KCNJ16: variants seen among roughly 807,000 people sequenced by gnomAD.
KCNJ16 encodes inward rectifier potassium channel 16.
KCNJ16 carries 15 observed loss-of-function variants against 18.5 expected under a neutral mutation model. That is an observed-to-expected ratio of 0.81 (90% CI 0.54 to 1.25). The LOEUF (loss-of-function observed/expected upper bound fraction) is 1.25. KCNJ16 is among the 50% of genes most tolerant of loss of function. The pLI, the probability that KCNJ16 is intolerant of heterozygous loss-of-function variation, is 0.00. For synonymous variants in KCNJ16, 174 were observed against 186.5 expected, an observed-to-expected ratio of 0.93 and a Z score of 0.55; for missense variants, 523 against 525.7, an observed-to-expected ratio of 0.99 and a Z score of 0.05.
chr17:70,123,256 T>C (rs2073719293), intron 2 of KCNJ16, among the ~76,000 whole-genome samples: 2 of 111,264 alleles, frequency 1.8e-5, no homozygotes, highest in South Asian at 2.8e-4. Context: ...TATGCACCTT[T>C]GAAAAGATAT....
At chr17:70,079,936 CAA>C (rs1180617936) in intron 1 of KCNJ16, among the ~76,000 whole-genome samples, 2 of 152,310 alleles carry the variant, frequency 1.3e-5, no homozygotes, top group East Asian at 3.9e-4. Context: ...CTCCTAGCCT[CAA>C]GTAATCCACC....
intron 2 of KCNJ16, among the ~76,000 whole-genome samples, chr17:70,119,700 C>T (rs1253992425): frequency 6.6e-6 from 1 of 152,214 alleles, no homozygotes; most frequent in African/African-American, 2.4e-5. Context: ...CACAAAGCAA[C>T]AGGGCCCTAG....
chr17:70,125,621 A>T (rs181063527), intron 2 of KCNJ16, among the ~76,000 whole-genome samples: 57 of 152,280 alleles, frequency 3.7e-4, no homozygotes, highest in African/African-American at 7.2e-4. Flanking sequence ...TAAAGTGAAA[A>T]AAAGTTAATT....
chr17:70,097,244 GCC>G (rs983657129), intron 1 of KCNJ16, among the ~76,000 whole-genome samples: 7 of 152,146 alleles, frequency 4.6e-5, no homozygotes, highest in East Asian at 1.9e-4. Flanking sequence ...CAACCCATGC[GCC>G]CCCGTCTCCC....
chr17:70,123,975 AATG>A (rs1244105565), intron 2 of KCNJ16, among the ~76,000 whole-genome samples: 5 of 152,226 alleles, frequency 3.3e-5, no homozygotes, highest in African/African-American at 1.2e-4. Context: ...GCGTTCCTGT[AATG>A]ATAACTTCTT....
chr17:70,089,431 C>T (rs1050563869), intron 1 of KCNJ16, among the ~76,000 whole-genome samples: 11 of 152,204 alleles, frequency 7.2e-5, no homozygotes, highest in Non-Finnish European at 1.5e-5. Context: ...TTATTTAACT[C>T]TCAGCATTTC....
rs150776304 is a variant in KCNJ16, at chr17:70,116,616, T to A, written c.-190-14263T>A. Among the ~76,000 whole-genome samples the A allele has an allele frequency of 3.1e-4, 47 of 152,242 alleles. No individual in the cohort carries two copies. In the East Asian group the frequency reaches 7.7e-3, roughly 25 times the overall value. ...AGTCACATTTCTAGTAATTCAATTA[T>A]AGCCTTAACAAATTTAATTAAACAC... On this transcript the variant is annotated intron_variant, in intron 2 of 3. Transcript: ENST00000392671.
chr17:70,114,113 A>C (rs6501377), intron 2 of KCNJ16, among the ~76,000 whole-genome samples: 13,044 of 152,142 alleles, frequency 0.086, 1,880 homozygotes, highest in African/African-American at 0.3. Context: ...GGGAATTGAG[A>C]CATCAGCCAA....
intron 2 of KCNJ16, chr17:70,128,055 C>T (rs1042278952): frequency 3.3e-5 from 5 of 152,156 alleles, no homozygotes; most frequent in African/African-American, 1.2e-4. Context: ...GAGCAATCTA[C>T]AAGAGGAGTT....
chr17:70,103,937 CTTTT>C (rs71149820), intron 2 of KCNJ16, among the ~76,000 whole-genome samples: 1 of 132,014 alleles, frequency 7.6e-6, no homozygotes, highest in Admixed American at 7.9e-5. Context: ...ATTTTATTAT[CTTTT>C]TTTTTTTTTT....
At chr17:70,111,867 C>T (rs1216030384) in intron 2 of KCNJ16, among the ~76,000 whole-genome samples, 2 of 152,104 alleles carry the variant, frequency 1.3e-5, no homozygotes, top group East Asian at 3.9e-4. Flanking sequence ...TGAGACCTCC[C>T]CAGCCACGTG....
intron 2 of KCNJ16, among the ~76,000 whole-genome samples, chr17:70,116,500 G>A (rs980611202): frequency 6.6e-6 from 1 of 152,128 alleles, no homozygotes. Context: ...GTCACACATA[G>A]CTAGCTTACC....
At chr17:70,119,387 C>G (rs2073541800) in intron 2 of KCNJ16, among the ~76,000 whole-genome samples, 1 of 152,148 alleles carries the variant, frequency 6.6e-6, no homozygotes, top group South Asian at 2.1e-4. Flanking sequence ...TAGGTGGGCT[C>G]CCACCCATGT....
intron 1 of KCNJ16, among the ~76,000 whole-genome samples, chr17:70,095,278 T>C (rs8074543): frequency 0.014 from 2,199 of 152,020 alleles, 49 homozygotes; most frequent in African/African-American, 0.049. Flanking sequence ...CAAAACAACT[T>C]TGACCATAAT....
intron 1 of KCNJ16, among the ~76,000 whole-genome samples, chr17:70,093,703 C>T (rs1275169153): frequency 6.6e-6 from 1 of 152,074 alleles, no homozygotes; most frequent in African/African-American, 2.4e-5. Context: ...GCTTTGTTTT[C>T]ATTTTCTTAC....
intron 3 of KCNJ16, 79 bp from the exon 4 acceptor site, chr17:70,131,916 C>A: frequency 7.8e-7 from 1 of 1,287,896 alleles, no homozygotes; most frequent in Non-Finnish European, 1.1e-6. Flanking sequence ...TGGTATGACA[C>A]TGCTCCAAAT....
intron 2 of KCNJ16, among the ~76,000 whole-genome samples, chr17:70,117,011 T>C (rs1220051137): frequency 6.6e-6 from 1 of 152,126 alleles, no homozygotes; most frequent in Admixed American, 6.6e-5. Context: ...CACATGTTGA[T>C]AAAGGCACCA....
At position 70,132,443 on chromosome 17, in the gene KCNJ16, CA is replaced by C. The variant is rs772104021; in HGVS notation, c.357del (p.Ala121ProfsTer6). ...TGTGTTGACAACGTCCATTCTTTCACAGGGGCCTTTTTGTTCTCCCTAGAGA... is the reference window on the plus strand; with the variant it reads ...TGTGTTGACAACGTCCATTCTTTCACGGGGCCTTTTTGTTCTCCCTAGAGA... ...TPCVDNVHSF[T>X]GAFLFSLETQ... is the part of the protein sequence containing the mutation. On this transcript the variant is annotated frameshift_variant, in exon 4 of 4. Coordinates refer to ENST00000392671, the MANE Select transcript of KCNJ16 (RefSeq NM_170741.4). LOFTEE classifies it high-confidence loss of function. 6.2e-7 allele frequency: 1 copy of C among 1,614,154 alleles called. No individual in the cohort carries two copies. Among genetic ancestry groups the C allele is most frequent in the South Asian group, 1.1e-5 (1 of 91,086 alleles).
intron 1 of KCNJ16, among the ~76,000 whole-genome samples, chr17:70,084,170 G>A (rs777516174): frequency 6.6e-6 from 1 of 152,140 alleles, no homozygotes; most frequent in African/African-American, 2.4e-5. Context: ...TATGGCTACT[G>A]GTTCACTTCC....
Sources: gnomAD v4.1 joint callset for allele counts (sites outside exome capture counted in the v4.1 genomes callset) on GRCh38, gnomAD v4.1.1 for gene constraint, MANE v1.5 for transcripts, NCBI Gene and HGNC (gene_info 2026-07-23, HGNC 2026-07-21) for gene names.